The following NTNG1 variants were observed in gnomAD, a reference collection of about 807,000 sequenced individuals.
NTNG1 encodes the protein netrin G1.
NTNG1 carries 16 observed loss-of-function variants against 54.0 expected under a neutral mutation model. The observed-to-expected ratio is 0.30, with a 90% CI of 0.20 to 0.45. NTNG1 has a LOEUF of 0.45. Among genes scored for constraint, NTNG1 ranks in the 20% least tolerant of loss-of-function variants. The probability of loss-of-function intolerance (pLI) is 1.00; values close to 1 mark genes in which losing one functional copy is unlikely to be tolerated. For synonymous variants in NTNG1, 255 were observed against 263.1 expected (o/e 0.97, Z 0.30); for missense variants, 530 against 678.7 (o/e 0.78, Z 2.43).
intron 2 of NTNG1, among the ~76,000 whole-genome samples, chr1:107,198,847 T>G (rs1419622302): frequency 6.6e-6 from 1 of 151,904 alleles, no homozygotes; most frequent in Admixed American, 6.6e-5. Context: ...ACTTGGCTCA[T>G]GGAGTGTTTA....
rs371298219 is a variant in NTNG1 at position 107,477,682 on chromosome 1, T to A, written c.1391-2929T>A. ...TCTTCCCAAAAGTAATTATTTATACTATCATGTGAGTTTCCCCAGTAATTT... is the reference window on the plus strand; with the variant it reads ...TCTTCCCAAAAGTAATTATTTATACAATCATGTGAGTTTCCCCAGTAATTT... On this transcript the variant is annotated intron_variant, in intron 7 of 7. Coordinates refer to ENST00000370068, the MANE Select transcript of NTNG1 (RefSeq NM_001113226.3). Among the ~76,000 whole-genome samples the A allele has an allele frequency of 1.6e-4, 24 of 152,058 alleles. No homozygotes were observed. In the East Asian group the frequency reaches 3.1e-3, roughly 20 times the overall value.
chr1:107,323,019 GAGTGTC>G (rs1199471933), intron 2 of NTNG1, among the ~76,000 whole-genome samples: 1 of 151,704 alleles, frequency 6.6e-6, no homozygotes, highest in Non-Finnish European at 1.5e-5. Context: ...GCTAGTAACT[GAGTGTC>G]AGTGTCTAAA....
At position 107,162,813 on chromosome 1, in the gene NTNG1, A is replaced by G. The variant is rs182746956; in HGVS notation, c.246+13974A>G. Among the ~76,000 whole-genome samples, 13 of 152,314 alleles carry G rather than the reference A, an allele frequency of 8.5e-5. No individual in the cohort carries two copies. The East Asian group carries it at 1.9e-3, about 23-fold the overall frequency. ...AATTTACCGTCTTCATTACTAGACT[A>G]TAACAATAGCCTTATAGTGCTTTAA... On this transcript the variant is annotated intron_variant, in intron 2 of 7. Coordinates refer to ENST00000370068, the MANE Select transcript of NTNG1 (RefSeq NM_001113226.3).
chr1:107,316,153 C>A (rs190967469), intron 2 of NTNG1, among the ~76,000 whole-genome samples: 32 of 152,272 alleles, frequency 2.1e-4, no homozygotes, highest in African/African-American at 7.2e-4. Context: ...TAACATTGCC[C>A]TTATGCCCTA....
chr1:107,193,067 AC>A (rs1658077875), intron 2 of NTNG1, among the ~76,000 whole-genome samples: 2 of 152,080 alleles, frequency 1.3e-5, no homozygotes, highest in African/African-American at 4.8e-5. Context: ...TTGAACATAT[AC>A]TAATTGTTCA....
chr1:107,213,673 C>G (rs1659740874), intron 2 of NTNG1, among the ~76,000 whole-genome samples: 1 of 152,046 alleles, frequency 6.6e-6, no homozygotes, highest in Non-Finnish European at 1.5e-5. Flanking sequence ...GATTCTGAAC[C>G]ATTATGTGTG....
intron 7 of NTNG1, chr1:107,460,375 C>T (rs1677206859): frequency 1.9e-6 from 1 of 518,698 alleles, no homozygotes; most frequent in Non-Finnish European, 3.8e-6. Context: ...AGCTTTCCTT[C>T]TGAGCCCTCA....
At chr1:107,458,280 T>C (rs1388632112) in intron 7 of NTNG1, among the ~76,000 whole-genome samples, 1 of 152,148 alleles carries the variant, frequency 6.6e-6, no homozygotes, top group Non-Finnish European at 1.5e-5. Flanking sequence ...AAGAACTCTA[T>C]ATCATTTTAA....
At chr1:107,434,992 G>T (rs1029672822) in intron 6 of NTNG1, among the ~76,000 whole-genome samples, 3 of 151,934 alleles carry the variant, frequency 2.0e-5, no homozygotes, top group Non-Finnish European at 4.4e-5. Flanking sequence ...GATATATTAT[G>T]GTTTAAATGT....
intron 2 of NTNG1, among the ~76,000 whole-genome samples, chr1:107,212,544 T>C (rs1279231628): frequency 1.3e-5 from 2 of 152,200 alleles, no homozygotes; most frequent in African/African-American, 4.8e-5. Flanking sequence ...AAGCCATTTT[T>C]CTCCTTGTTA....
intron 3 of NTNG1, among the ~76,000 whole-genome samples, chr1:107,372,796 T>C (rs1404490559): frequency 2.6e-5 from 4 of 152,144 alleles, no homozygotes; most frequent in Admixed American, 2.6e-4. Context: ...CAATTTTGCT[T>C]AATTCAATTT....
intron 2 of NTNG1, among the ~76,000 whole-genome samples, chr1:107,163,700 C>T (rs900070828): frequency 1.3e-5 from 2 of 152,156 alleles, no homozygotes; most frequent in African/African-American, 4.8e-5. Context: ...GACATTTGCA[C>T]TGAGATTATA....
intron 3 of NTNG1, among the ~76,000 whole-genome samples, chr1:107,371,602 T>TGTA (rs1670928015): frequency 6.6e-6 from 1 of 151,928 alleles, no homozygotes; most frequent in Admixed American, 6.6e-5. Context: ...AAATTGAACT[T>TGTA]GTAGTTAGAC....
chr1:107,292,735 C>T (rs1349588068), intron 2 of NTNG1, among the ~76,000 whole-genome samples: 2 of 152,122 alleles, frequency 1.3e-5, no homozygotes, highest in African/African-American at 4.8e-5. Flanking sequence ...CTCTCAAGTG[C>T]TAGCAGGCCA....
intron 2 of NTNG1, among the ~76,000 whole-genome samples, chr1:107,180,376 A>G (rs1408240240): frequency 1.3e-5 from 2 of 152,266 alleles, no homozygotes; most frequent in Middle Eastern, 3.4e-3. Flanking sequence ...TTTTAAATCT[A>G]AAATTAATGG....
chr1:107,233,369 A>C (rs935346251), intron 2 of NTNG1, among the ~76,000 whole-genome samples: 1 of 152,184 alleles, frequency 6.6e-6, no homozygotes, highest in Non-Finnish European at 1.5e-5. Flanking sequence ...GAACTCTAGC[A>C]TTCCACTGGG....
chr1:107,189,832 AG>A (rs61425275), intron 2 of NTNG1, among the ~76,000 whole-genome samples: 2,706 of 105,382 alleles, frequency 0.026, 81 homozygotes, highest in African/African-American at 0.073. Context: ...AAAAAAAAAA[AG>A]GGGGGGGCCT....
At chr1:107,202,593 C>G (rs1370926923) in intron 2 of NTNG1, among the ~76,000 whole-genome samples, 1 of 151,504 alleles carries the variant, frequency 6.6e-6, no homozygotes, top group Non-Finnish European at 1.5e-5. Flanking sequence ...TCTTTTTTCC[C>G]TTTCTACTGG....
chr1:107,379,860 T>C (rs1671537715), intron 3 of NTNG1, among the ~76,000 whole-genome samples: 1 of 152,202 alleles, frequency 6.6e-6, no homozygotes, highest in South Asian at 2.1e-4. Context: ...ATTTTGGACT[T>C]GAGATAGAAG....
Sources: gnomAD v4.1 joint callset for allele counts (sites outside exome capture counted in the v4.1 genomes callset) on GRCh38, gnomAD v4.1.1 for gene constraint, MANE v1.5 for transcripts, NCBI Gene and HGNC (gene_info 2026-07-23, HGNC 2026-07-21) for gene names.